Variants in DCC observed in about 807,000 individuals in gnomAD.
DCC encodes the protein netrin receptor DCC.
A neutral mutation model predicts 172.5 loss-of-function variants in DCC; 58 were observed. The ratio of observed to expected loss-of-function variants is 0.34; its 90% CI spans 0.27 to 0.42. The LOEUF (loss-of-function observed/expected upper bound fraction) is 0.42. DCC is among the 10% of genes least tolerant of loss of function. The probability of loss-of-function intolerance (pLI) is 1.00; values close to 1 mark genes in which losing one functional copy is unlikely to be tolerated. For missense variants in DCC, 1,740 were observed against 1,791.0 expected (o/e 0.97, Z 0.51); for synonymous variants, 709 against 644.5 (o/e 1.10, Z -1.52).
At chr18:52,995,394 T>C (rs537476880) in intron 5 of DCC, among the ~76,000 whole-genome samples, 6 of 152,280 alleles carry the variant, frequency 3.9e-5, no homozygotes, top group Non-Finnish European at 7.4e-5. Context: ...TCTTGAGAAG[T>C]AACTTCATTT....
intron 21 of DCC, among the ~76,000 whole-genome samples, chr18:53,430,805 G>C (rs76246555): frequency 0.014 from 2,154 of 152,174 alleles, 61 homozygotes; most frequent in African/African-American, 0.049. Flanking sequence ...TTAGCACAAA[G>C]GAATATAACA....
intron 1 of DCC, among the ~76,000 whole-genome samples, chr18:52,749,269 C>A (rs1265147875): frequency 3.3e-5 from 5 of 152,132 alleles, no homozygotes; most frequent in African/African-American, 1.2e-4. Flanking sequence ...CAGAAGTTCT[C>A]ACTCTGGTCA....
intron 2 of DCC, among the ~76,000 whole-genome samples, chr18:52,896,612 C>T (rs1361984028): frequency 2.0e-5 from 3 of 152,120 alleles, no homozygotes; most frequent in Non-Finnish European, 4.4e-5. Context: ...TATTATTTAA[C>T]CTTGTGCTCA....
intron 1 of DCC, among the ~76,000 whole-genome samples, chr18:52,547,904 C>A (rs983309005): frequency 6.6e-6 from 1 of 152,052 alleles, no homozygotes; most frequent in African/African-American, 2.4e-5. Flanking sequence ...AGCCCAAAAG[C>A]CCAAAAGCAA....
intron 15 of DCC, among the ~76,000 whole-genome samples, chr18:53,347,369 A>G (rs1292067000): frequency 6.6e-6 from 1 of 152,120 alleles, no homozygotes; most frequent in Non-Finnish European, 1.5e-5. Flanking sequence ...ATTGTTTTGT[A>G]TCTTGTTTAG....
chr18:52,588,550 A>T (rs1235513840), intron 1 of DCC, among the ~76,000 whole-genome samples: 2 of 152,232 alleles, frequency 1.3e-5, no homozygotes, highest in African/African-American at 4.8e-5. Context: ...AGGCTTAAAT[A>T]ATTACATGAA....
chr18:52,919,930 C>T (rs1279811449), intron 3 of DCC, among the ~76,000 whole-genome samples: 2 of 147,786 alleles, frequency 1.4e-5, no homozygotes, highest in South Asian at 2.1e-4. Context: ...CAGACAAATA[C>T]AGTCAACTGA....
At chr18:52,778,340 T>C (rs777415588) in intron 2 of DCC, among the ~76,000 whole-genome samples, 4 of 152,338 alleles carry the variant, frequency 2.6e-5, no homozygotes, top group South Asian at 2.1e-4. Context: ...TTTTAATGAA[T>C]CTTGGGGTGT....
chr18:52,406,298 C>T (rs1437347854), intron 1 of DCC, among the ~76,000 whole-genome samples: 1 of 148,540 alleles, frequency 6.7e-6, no homozygotes, highest in African/African-American at 2.5e-5. Flanking sequence ...AAAGCAATGG[C>T]AACAAAAGCC....
rs377607494 is a variant in DCC at position 52,470,770 on chromosome 18, T to C, written c.91+129892T>C. On this transcript the variant is annotated intron_variant, in intron 1 of 28. Transcript: ENST00000442544. ...ATTTTCTGAGAGGTTTAAAACAATA[T>C]TAAGCTATGAATCATCTGTTGATCT... 3.3e-5 allele frequency among the ~76,000 whole-genome samples: 5 copies of C among 152,190 alleles called. No homozygotes were observed. The East Asian group carries it at 9.6e-4, about 29-fold the overall frequency.
chr18:53,252,857 A>C (rs1269750507), intron 12 of DCC, among the ~76,000 whole-genome samples: 1 of 152,018 alleles, frequency 6.6e-6, no homozygotes. Context: ...GATAGTTTGC[A>C]TTTGTATAAT....
At position 53,190,022 on chromosome 18, in the gene DCC, G is replaced by A. The variant is rs187628911; in HGVS notation, c.1573+10906G>A. Among the ~76,000 whole-genome samples the A allele has an allele frequency of 3.9e-4, 60 of 152,270 alleles. 1 individual carries two copies. Among genetic ancestry groups the A allele is most frequent in the African/African-American group, 1.3e-3 (54 of 41,554 alleles). ...GCTTACTGTAACCTCCACCTCCCAG[G>A]TTCAAGTGATTCTCCTGCCTCAGCC... is the stretch of plus-strand genomic sequence containing the variant. On this transcript the variant is annotated intron_variant, in intron 9 of 28. Coordinates refer to ENST00000442544, the MANE Select transcript of DCC (RefSeq NM_005215.4).
chr18:53,231,599 T>C (rs755857799), intron 12 of DCC, among the ~76,000 whole-genome samples: 1 of 152,102 alleles, frequency 6.6e-6, no homozygotes, highest in Non-Finnish European at 1.5e-5. Flanking sequence ...TAAGTTAATC[T>C]AGACTTATTT....
At chr18:52,646,119 G>A (rs548663188) in intron 1 of DCC, among the ~76,000 whole-genome samples, 9 of 152,294 alleles carry the variant, frequency 5.9e-5, no homozygotes, top group Admixed American at 4.6e-4. Flanking sequence ...TCTGGCCTTT[G>A]GTGAGTTGCT....
intron 14 of DCC, among the ~76,000 whole-genome samples, chr18:53,328,069 A>G (rs1416060978): frequency 6.6e-6 from 1 of 152,230 alleles, no homozygotes; most frequent in African/African-American, 2.4e-5. Context: ...TTTAAAAGCA[A>G]TATGGTATCT....
intron 2 of DCC, among the ~76,000 whole-genome samples, chr18:52,818,433 A>AAG (rs1406202436): frequency 6.6e-6 from 1 of 151,532 alleles, no homozygotes; most frequent in African/African-American, 2.4e-5. Flanking sequence ...AAAAAAAAAA[A>AAG]AAAAAATTTA....
chr18:52,976,705 T>C (rs1224971080), intron 5 of DCC, among the ~76,000 whole-genome samples: 1 of 152,218 alleles, frequency 6.6e-6, no homozygotes, highest in Non-Finnish European at 1.5e-5. Flanking sequence ...AATAAAACAT[T>C]AGCCCAATGG....
At chr18:53,210,211 C>T (rs775672622) in intron 11 of DCC, among the ~76,000 whole-genome samples, 6 of 152,180 alleles carry the variant, frequency 3.9e-5, no homozygotes, top group Non-Finnish European at 5.9e-5. Context: ...TCTCATGTCT[C>T]CTCCTCTGTC....
chr18:52,406,421 C>G (rs958226450), intron 1 of DCC, among the ~76,000 whole-genome samples: 3 of 151,974 alleles, frequency 2.0e-5, no homozygotes, highest in African/African-American at 7.3e-5. Context: ...GCAACCTACT[C>G]ATCTGACAAA....
Sources: allele counts gnomAD v4.1 joint callset (sites outside exome capture counted in the v4.1 genomes callset), GRCh38; gene constraint gnomAD v4.1.1; transcripts MANE v1.5; gene names NCBI Gene and HGNC (gene_info 2026-07-23, HGNC 2026-07-21).